NPIPB6: variants seen among roughly 807,000 people sequenced by gnomAD.
NPIPB6 encodes nuclear pore complex interacting protein family member B6, also known as nuclear pore complex-interacting protein family member B6.
In NPIPB6, 2 loss-of-function variants were observed where a neutral mutation model predicts 20.0. The ratio of observed to expected loss-of-function variants is 0.10; its 90% CI spans 0.04 to 0.31. The LOEUF (loss-of-function observed/expected upper bound fraction) is 0.31. Among genes scored for constraint, NPIPB6 ranks in the 10% least tolerant of loss-of-function variants. The pLI is 1.00. For synonymous variants in NPIPB6, 35 were observed against 116.3 expected (o/e 0.30, Z 4.50); for missense variants, 96 against 293.7 (o/e 0.33, Z 4.92).
chr16:28,348,338 G>C (rs1420407136), intron 4 of NPIPB6, among the ~76,000 whole-genome samples: 1 of 107,164 alleles, frequency 9.3e-6, no homozygotes, highest in African/African-American at 3.2e-5. Context: ...CCAGCACTTT[G>C]GGAGGCTGAG....
chr16:28,342,959 G>A (rs1342470387), exon 7 of NPIPB6: 4 of 1,590,190 alleles, frequency 2.5e-6, no homozygotes, highest in Admixed American at 1.8e-5. Context: ...AGGAGAGGGT[G>A]GAAGAGGAGC....
chr16:28,361,813 G>T (rs2045445990), intron 1 of NPIPB6, among the ~76,000 whole-genome samples: 4 of 143,312 alleles, frequency 2.8e-5, no homozygotes, highest in South Asian at 4.5e-4. Context: ...AAAAATAAAA[G>T]ATCATTTTTG....
intron 4 of NPIPB6, among the ~76,000 whole-genome samples, chr16:28,348,042 G>A (rs1212335043): frequency 6.8e-5 from 8 of 118,058 alleles, no homozygotes; most frequent in African/African-American, 2.3e-4. Context: ...CCTGGGAGGT[G>A]GAGGTTGCAG....
At chr16:28,360,678 G>A (rs2045411638) in intron 1 of NPIPB6, among the ~76,000 whole-genome samples, 1 of 139,090 alleles carries the variant, frequency 7.2e-6, no homozygotes, top group East Asian at 2.0e-4. Context: ...GAAAGTGGAT[G>A]TACCCATGGG....
chr16:28,351,674 G>C (rs1284148902), intron 2 of NPIPB6, among the ~76,000 whole-genome samples: 3 of 120,726 alleles, frequency 2.5e-5, no homozygotes, highest in Non-Finnish European at 5.6e-5. Flanking sequence ...AAAAAAAAAA[G>C]CTTCCTCCAA....
intron 6 of NPIPB6, 123 bp from the exon 8 acceptor site, chr16:28,343,311 G>A (rs2045041964): frequency 1.4e-5 from 10 of 701,140 alleles, no homozygotes; most frequent in Non-Finnish European, 2.3e-5. Context: ...CATCCTCCAG[G>A]TTTCAAAATA....
At chr16:28,355,841 A>G (rs2141625128) in intron 1 of NPIPB6, among the ~76,000 whole-genome samples, 1 of 121,820 alleles carries the variant, frequency 8.2e-6, no homozygotes, top group South Asian at 2.4e-4. Context: ...AAAGTTAGTA[A>G]ACTTACACTT....
intron 1 of NPIPB6, among the ~76,000 whole-genome samples, chr16:28,361,744 G>A (rs1421208958): frequency 4.2e-5 from 3 of 71,152 alleles, no homozygotes; most frequent in African/African-American, 8.5e-5. Context: ...GTGTGTGTGT[G>A]TGTGTGTGTG....
At chr16:28,349,805 T>C (rs2045184768) in intron 2 of NPIPB6, among the ~76,000 whole-genome samples, 1 of 100,590 alleles carries the variant, frequency 9.9e-6, no homozygotes, top group Non-Finnish European at 2.2e-5. Context: ...GGAGAATCAC[T>C]TGAACCCAGC....
At chr16:28,348,319 C>G (rs1463996943) in intron 4 of NPIPB6, among the ~76,000 whole-genome samples, 1 of 107,648 alleles carries the variant, frequency 9.3e-6, no homozygotes, top group Non-Finnish European at 2.0e-5. Context: ...GTGGCTCACA[C>G]CTCTAATCCC....
intron 2 of NPIPB6, among the ~76,000 whole-genome samples, chr16:28,349,714 C>A (rs1302462764): frequency 9.4e-6 from 1 of 106,174 alleles, no homozygotes; most frequent in African/African-American, 3.2e-5. Context: ...CATGGAGAAA[C>A]GCTGTCTCTG....
At chr16:28,361,730 ATG>A (rs750956017) in intron 1 of NPIPB6, among the ~76,000 whole-genome samples, 1,024 of 100,396 alleles carry the variant, frequency 0.01, 20 homozygotes, top group Middle Eastern at 0.024. Context: ...CTCTCTCTAT[ATG>A]TGTGTGTGTG....
chr16:28,360,479 G>T (rs2045406243), intron 1 of NPIPB6, among the ~76,000 whole-genome samples: 1 of 127,238 alleles, frequency 7.9e-6, no homozygotes, highest in African/African-American at 2.7e-5. Flanking sequence ...TGATGATTTT[G>T]TGCGGCTCTG....
chr16:28,349,514 G>A (rs2045168781), intron 2 of NPIPB6, among the ~76,000 whole-genome samples: 1 of 109,456 alleles, frequency 9.1e-6, no homozygotes, highest in African/African-American at 3.2e-5. Context: ...TCACACCACT[G>A]CACTCCAGCC....
At chr16:28,351,761 T>C (rs1222319883) in intron 2 of NPIPB6, among the ~76,000 whole-genome samples, 10 of 88,360 alleles carry the variant, frequency 1.1e-4, no homozygotes, top group Non-Finnish European at 2.1e-4. Context: ...TCATAACTCA[T>C]ATATTTTCTG....
rs2045477801 is a variant in NPIPB6 at position 28,363,144 on chromosome 16, CATA to C, written c.-325_-323del. On this transcript the variant is annotated 5_prime_UTR_variant, in exon 1 of 7. The change creates a new upstream start codon in the 5' untranslated region. Transcript: ENST00000532254. ...CATTTAAATGTATCATCATTTCTGT[CATA>C]ATTAGTGGGATCCATTTCACTATTA... The C allele has an allele frequency of 4.6e-6, 1 of 219,730 alleles. No individual in the cohort carries two copies. The highest frequency in any genetic ancestry group is 2.9e-5 in the South Asian group (1 of 34,978). The allele number at this position is 219,730 out of a possible 1,614,324, so 13.6% of individuals were successfully genotyped here.
intron 2 of NPIPB6, among the ~76,000 whole-genome samples, chr16:28,349,889 CAAA>C (rs1178858068): frequency 7.1e-4 from 12 of 16,860 alleles, no homozygotes; most frequent in Non-Finnish European, 1.2e-3. Context: ...AACTCTGTCT[CAAA>C]AAAAAAAAAA....
At chr16:28,353,559 AG>A (rs1214820673) in intron 1 of NPIPB6, among the ~76,000 whole-genome samples, 2 of 66,214 alleles carry the variant, frequency 3.0e-5, no homozygotes, top group African/African-American at 1.0e-4. Context: ...CTGAGATTAC[AG>A]GTCTCTGCCA....
exon 7 of NPIPB6, chr16:28,342,870 C>A: frequency 2.6e-6 from 4 of 1,563,058 alleles, no homozygotes; most frequent in Non-Finnish European, 3.5e-6. Context: ...AGATTATCAT[C>A]CACTGAGGGT....
Sources: allele counts gnomAD v4.1 joint callset (sites outside exome capture counted in the v4.1 genomes callset), GRCh38; gene constraint gnomAD v4.1.1; transcripts MANE v1.5; gene names NCBI Gene and HGNC (gene_info 2026-07-23, HGNC 2026-07-21).